Variants in METAP1 observed in about 807,000 individuals in gnomAD.
METAP1 encodes methionine aminopeptidase 1.
A neutral mutation model predicts 53.8 loss-of-function variants in METAP1; 28 were observed. The observed-to-expected ratio is 0.52, with a 90% CI of 0.39 to 0.71. The LOEUF (loss-of-function observed/expected upper bound fraction) is 0.71, where lower values mean the gene tolerates loss of function less well. Ranked by LOEUF, METAP1 falls within the 30% of genes least tolerant of loss-of-function variation. The probability of loss-of-function intolerance (pLI) is 0.00; values close to 1 mark genes in which losing one functional copy is unlikely to be tolerated. For synonymous variants in METAP1, 181 were observed against 165.7 expected (o/e 1.09, Z -0.71); for missense variants, 389 against 479.8 (o/e 0.81, Z 1.77).
intron 1 of METAP1, among the ~76,000 whole-genome samples, chr4:99,025,015 C>A (rs185877108): frequency 6.6e-6 from 1 of 152,162 alleles, no homozygotes; most frequent in Non-Finnish European, 1.5e-5. Context: ...AGAGTTTGTG[C>A]GCTCCTATGA....
At chr4:99,031,757 T>G (rs1434892954) in intron 2 of METAP1, 1 of 484,358 alleles carries the variant, frequency 2.1e-6, no homozygotes, top group African/African-American at 2.0e-5. Flanking sequence ...ACATCTGTAG[T>G]TATTTTGTGT....
intron 1 of METAP1, chr4:99,022,833 G>T: frequency 6.3e-7 from 1 of 1,578,026 alleles, no homozygotes; most frequent in Non-Finnish European, 8.6e-7. Flanking sequence ...TCCTTGCTGT[G>T]GTACTGCTTT....
intron 1 of METAP1, chr4:99,023,138 T>A: frequency 1.2e-6 from 1 of 822,812 alleles, no homozygotes; most frequent in Non-Finnish European, 1.8e-6. Context: ...CCGTGTTGAC[T>A]GACACGAGCA....
chr4:99,058,055 C>G (rs1727279439), intron 10 of METAP1, among the ~76,000 whole-genome samples: 1 of 151,980 alleles, frequency 6.6e-6, no homozygotes. Flanking sequence ...AATTCTGGTC[C>G]CTTTTCATAA....
chr4:99,012,961 AG>A (rs1723561218), intron 1 of METAP1, among the ~76,000 whole-genome samples: 2 of 152,304 alleles, frequency 1.3e-5, no homozygotes, highest in South Asian at 4.1e-4. Flanking sequence ...CTTATTATCT[AG>A]GGGACTGGAA....
intron 9 of METAP1, among the ~76,000 whole-genome samples, chr4:99,054,446 G>T (rs1031033692): frequency 6.6e-6 from 1 of 152,176 alleles, no homozygotes; most frequent in Admixed American, 6.5e-5. Flanking sequence ...TTTGGCTTAA[G>T]GGAATGTTGT....
In METAP1 at chr4:99,022,788, G is replaced by A. The variant is rs1031393166; in HGVS notation, c.115-6079G>A. 199 of 1,599,294 alleles carry A rather than the reference G, an allele frequency of 1.2e-4. No homozygotes were observed. The Admixed American group carries it at 2.6e-3, about 21-fold the overall frequency. ...CTGGCCGCCACACTCTTGGCTATGC[G>A]CTTGTCACGGAACTCCACCCATCCC... On this transcript the variant is annotated intron_variant, in intron 1 of 10. Transcript: ENST00000296411.
intron 1 of METAP1, among the ~76,000 whole-genome samples, chr4:99,010,948 CTTAAT>C (rs1211274951): frequency 1.3e-5 from 2 of 150,996 alleles, no homozygotes; most frequent in African/African-American, 2.4e-5. Context: ...GGAATTGTTC[CTTAAT>C]TTATCTTAAA....
chr4:99,007,901 G>C (rs529783661), intron 1 of METAP1, among the ~76,000 whole-genome samples: 2 of 152,298 alleles, frequency 1.3e-5, no homozygotes, highest in South Asian at 4.1e-4. Context: ...TTTCTAAGCA[G>C]CCCTGGTTTC....
intron 10 of METAP1, among the ~76,000 whole-genome samples, chr4:99,058,785 A>G (rs2110435204): frequency 6.6e-6 from 1 of 152,344 alleles, no homozygotes; most frequent in Non-Finnish European, 1.5e-5. Context: ...GAGGCTGGGG[A>G]TCACTGAAGT....
intron 1 of METAP1, among the ~76,000 whole-genome samples, chr4:99,019,347 C>T (rs937936196): frequency 2.7e-4 from 41 of 152,274 alleles, no homozygotes; most frequent in Middle Eastern, 3.4e-3. Flanking sequence ...CCCTGACTCA[C>T]GTATTCTTCC....
rs754449286 is a variant in METAP1 at position 99,061,832 on chromosome 4, C to T, written c.*515C>T. 6.6e-6 allele frequency: 1 copy of T among 152,098 alleles called. No homozygotes were observed. The highest frequency in any genetic ancestry group is 1.5e-5 in the Non-Finnish European group (1 of 68,054). 9.4% of individuals were successfully genotyped at this position (152,098 alleles called of 1,614,324 possible). A position where few individuals can be genotyped will look rare whatever the true frequency, so the allele number is the denominator to read the frequency against. ...GTTTATATGTTCTTACAAATGGATC[C>T]ATAGTTTGCAGTGATTTAATTCCTG... On this transcript the variant is annotated 3_prime_UTR_variant, in exon 11 of 11. Transcript: ENST00000296411.
At chr4:99,004,684 G>GT (rs1196638665) in intron 1 of METAP1, among the ~76,000 whole-genome samples, 1 of 152,010 alleles carries the variant, frequency 6.6e-6, no homozygotes, top group Non-Finnish European at 1.5e-5. Flanking sequence ...TGAATTTTGT[G>GT]TTTATCATTC....
intron 1 of METAP1, among the ~76,000 whole-genome samples, chr4:99,011,095 A>G (rs1723444279): frequency 6.6e-6 from 1 of 151,766 alleles, no homozygotes; most frequent in African/African-American, 2.4e-5. Flanking sequence ...AGATCATGTC[A>G]TCTGTGAACA....
At chr4:99,022,412 A>G in intron 1 of METAP1, 1 of 722,584 alleles carries the variant, frequency 1.4e-6, no homozygotes, top group Non-Finnish European at 2.2e-6. Flanking sequence ...GCCTTGTCCT[A>G]GGCAGTTGCC....
At chr4:99,005,106 A>G (rs1723113273) in intron 1 of METAP1, among the ~76,000 whole-genome samples, 1 of 152,186 alleles carries the variant, frequency 6.6e-6, no homozygotes, top group Admixed American at 6.5e-5. Context: ...TTGTTTTCCA[A>G]AGTGGTTGTA....
At chr4:99,018,222 G>A (rs942286693) in intron 1 of METAP1, among the ~76,000 whole-genome samples, 20 of 152,214 alleles carry the variant, frequency 1.3e-4, no homozygotes, top group African/African-American at 3.9e-4. Context: ...CCTTTTGGCC[G>A]TGCTAATTAG....
At chr4:99,060,803 G>A (rs1727495929) in intron 10 of METAP1, among the ~76,000 whole-genome samples, 1 of 152,040 alleles carries the variant, frequency 6.6e-6, no homozygotes, top group Non-Finnish European at 1.5e-5. Context: ...TATTCATAGG[G>A]TACATAGTGA....
intron 1 of METAP1, among the ~76,000 whole-genome samples, chr4:99,013,156 C>T (rs1723569210): frequency 6.6e-6 from 1 of 152,050 alleles, no homozygotes; most frequent in South Asian, 2.1e-4. Context: ...GTGGATTTTT[C>T]ACATTTCTAA....
Sources: allele counts gnomAD v4.1 joint callset (sites outside exome capture counted in the v4.1 genomes callset), GRCh38; gene constraint gnomAD v4.1.1; transcripts MANE v1.5; gene names NCBI Gene and HGNC (gene_info 2026-07-23, HGNC 2026-07-21).